HECW2: variants seen among roughly 807,000 people sequenced by gnomAD.
The protein encoded by HECW2 is HECT, C2 and WW domain containing E3 ubiquitin protein ligase 2, also known as E3 ubiquitin-protein ligase HECW2.
In HECW2, 61 loss-of-function variants were observed where a neutral mutation model predicts 175.2. The ratio of observed to expected loss-of-function variants is 0.35; its 90% CI spans 0.28 to 0.43. The LOEUF is 0.43. HECW2 is among the 20% of genes least tolerant of loss of function. The pLI is 1.00. For synonymous variants in HECW2, 671 were observed against 731.0 expected (o/e 0.92, Z 1.32); for missense variants, 1,524 against 2,000.5 (o/e 0.76, Z 4.54).
chr2:196,472,684 C>T (rs904524867), intron 1 of HECW2, among the ~76,000 whole-genome samples: 3 of 151,594 alleles, frequency 2.0e-5, no homozygotes, highest in Non-Finnish European at 2.9e-5. Flanking sequence ...TGCAATGGCG[C>T]GATTTCAGCT....
intron 14 of HECW2, among the ~76,000 whole-genome samples, chr2:196,283,017 T>C (rs1378382747): frequency 2.6e-5 from 4 of 151,836 alleles, no homozygotes; most frequent in Non-Finnish European, 5.9e-5. Flanking sequence ...TCCCAGCACT[T>C]TGGGAGGCCA....
chr2:196,558,237 C>T (rs1689874793), intron 1 of HECW2, among the ~76,000 whole-genome samples: 1 of 152,164 alleles, frequency 6.6e-6, no homozygotes, highest in South Asian at 2.1e-4. Flanking sequence ...AAAATCAGAG[C>T]TTTCAAACTC....
intron 28 of HECW2, among the ~76,000 whole-genome samples, chr2:196,210,151 A>G (rs1687223403): frequency 6.6e-6 from 1 of 152,212 alleles, no homozygotes; most frequent in South Asian, 2.1e-4. Flanking sequence ...CTTTGACAGT[A>G]GACAATGCTC....
At chr2:196,314,174 A>C (rs1204017485) in intron 10 of HECW2, among the ~76,000 whole-genome samples, 1 of 152,200 alleles carries the variant, frequency 6.6e-6, no homozygotes, top group Non-Finnish European at 1.5e-5. Flanking sequence ...GTTGGCTCAA[A>C]CCCCTGCAGC....
At chr2:196,410,530 T>C (rs964544613) in intron 2 of HECW2, among the ~76,000 whole-genome samples, 1 of 152,210 alleles carries the variant, frequency 6.6e-6, no homozygotes, top group Non-Finnish European at 1.5e-5. Flanking sequence ...CAGTCTGTTA[T>C]GTCCGATCAG....
intron 13 of HECW2, among the ~76,000 whole-genome samples, chr2:196,299,873 G>A (rs1456333430): frequency 6.6e-6 from 1 of 151,840 alleles, no homozygotes; most frequent in African/African-American, 2.4e-5. Context: ...AGCTTGCAGT[G>A]AGCCGAGATG....
intron 1 of HECW2, among the ~76,000 whole-genome samples, chr2:196,464,667 T>G (rs1214015753): frequency 6.6e-6 from 1 of 152,216 alleles, no homozygotes; most frequent in Non-Finnish European, 1.5e-5. Flanking sequence ...GTAATGATAG[T>G]ATTTTTAAGC....
At chr2:196,519,012 T>A (rs1234832554) in intron 1 of HECW2, among the ~76,000 whole-genome samples, 1 of 152,234 alleles carries the variant, frequency 6.6e-6, no homozygotes, top group Non-Finnish European at 1.5e-5. Flanking sequence ...GATGTCTACT[T>A]CAGAACTGGA....
intron 1 of HECW2, among the ~76,000 whole-genome samples, chr2:196,449,256 C>T (rs1262261057): frequency 2.0e-5 from 3 of 152,190 alleles, no homozygotes; most frequent in Non-Finnish European, 4.4e-5. Context: ...GACCTTGAAA[C>T]TATGAGTTGT....
rs963999607 is a variant in HECW2, at chr2:196,196,492, A to T, written c.*4785T>A. 1.3e-5 allele frequency: 2 copies of T among 152,258 alleles called. No individual in the cohort carries two copies. Among genetic ancestry groups the T allele is most frequent in the African/African-American group, 4.8e-5 (2 of 41,446 alleles). The allele number at this position is 152,258 out of a possible 1,614,324, so 9.4% of individuals were successfully genotyped here. On this transcript the variant is annotated 3_prime_UTR_variant, in exon 29 of 29. Transcript: ENST00000644978. ...TCCAGAGTGCTGTCCCTCACCTACT[A>T]AATCAGAAAGCAGACAAAACAGAGC...
chr2:196,429,298 G>A (rs532586154), intron 2 of HECW2, among the ~76,000 whole-genome samples: 45 of 152,298 alleles, frequency 3.0e-4, no homozygotes, highest in Non-Finnish European at 5.6e-4. Flanking sequence ...ACCCTATCAG[G>A]GTTCTGACTA....
At chr2:196,295,121 G>T (rs1690757377) in intron 13 of HECW2, among the ~76,000 whole-genome samples, 1 of 152,176 alleles carries the variant, frequency 6.6e-6, no homozygotes, top group Non-Finnish European at 1.5e-5. Context: ...TCAACCGACA[G>T]GCTAAATAAG....
At chr2:196,559,094 G>A (rs1689908755) in intron 1 of HECW2, among the ~76,000 whole-genome samples, 3 of 152,124 alleles carry the variant, frequency 2.0e-5, no homozygotes, top group African/African-American at 7.2e-5. Flanking sequence ...CTAGGTTGCA[G>A]AACTAATAAG....
At chr2:196,554,820 T>C (rs1161393574) in intron 1 of HECW2, among the ~76,000 whole-genome samples, 2 of 152,236 alleles carry the variant, frequency 1.3e-5, no homozygotes, top group Non-Finnish European at 2.9e-5. Flanking sequence ...CTCTGCAGTG[T>C]GCAAAATTGT....
At chr2:196,281,753 T>C (rs1690198377) in intron 14 of HECW2, among the ~76,000 whole-genome samples, 2 of 151,826 alleles carry the variant, frequency 1.3e-5, no homozygotes, top group Admixed American at 6.6e-5. Context: ...ACAGAAGATT[T>C]TAAAAATCCC....
chr2:196,409,695 C>T (rs1051268338), intron 2 of HECW2, among the ~76,000 whole-genome samples: 3 of 152,150 alleles, frequency 2.0e-5, no homozygotes, highest in Non-Finnish European at 4.4e-5. Flanking sequence ...GCATTTCTGG[C>T]CATTATTTGT....
At chr2:196,569,805 T>C (rs753763389) in intron 1 of HECW2, among the ~76,000 whole-genome samples, 1 of 152,242 alleles carries the variant, frequency 6.6e-6, no homozygotes, top group African/African-American at 2.4e-5. Flanking sequence ...TGTGACCAAA[T>C]GAGAATAACA....
chr2:196,433,713 C>T (rs1695786244), intron 1 of HECW2, among the ~76,000 whole-genome samples: 1 of 152,178 alleles, frequency 6.6e-6, no homozygotes, highest in Admixed American at 6.5e-5. Context: ...TTTCTCCTAG[C>T]AATCAAGGAG....
chr2:196,335,314 T>C (rs555489508), intron 3 of HECW2, among the ~76,000 whole-genome samples: 26 of 152,354 alleles, frequency 1.7e-4, no homozygotes, highest in African/African-American at 5.1e-4. Context: ...AACCAAACTG[T>C]GTTAAAGATA....
Sources: allele counts gnomAD v4.1 joint callset (sites outside exome capture counted in the v4.1 genomes callset), GRCh38; gene constraint gnomAD v4.1.1; transcripts MANE v1.5; gene names NCBI Gene and HGNC (gene_info 2026-07-23, HGNC 2026-07-21).